The following ANK2 variants were observed in gnomAD, a reference collection of about 807,000 sequenced individuals.
The protein encoded by ANK2 is ankyrin 2.
In ANK2, 83 loss-of-function variants were observed where a neutral mutation model predicts 360.5. That is an observed-to-expected ratio of 0.23 (90% confidence interval 0.19 to 0.28). The LOEUF (loss-of-function observed/expected upper bound fraction) is 0.28, where lower values mean the gene tolerates loss of function less well. Among genes scored for constraint, ANK2 ranks in the 10% least tolerant of loss-of-function variants. The pLI is 1.00. For synonymous variants in ANK2, 1,740 were observed against 1,759.5 expected (o/e 0.99, Z 0.28); for missense variants, 4,201 against 4,795.7 (o/e 0.88, Z 3.66).
intron 41 of ANK2, among the ~76,000 whole-genome samples, chr4:113,366,552 C>T (rs550387810): frequency 7.2e-5 from 11 of 152,076 alleles, no homozygotes; most frequent in East Asian, 1.9e-4. Flanking sequence ...TGGTCCTGCA[C>T]GCCTGGCCTC....
At chr4:113,173,860 C>A (rs538812272) in intron 1 of ANK2, among the ~76,000 whole-genome samples, 1 of 152,274 alleles carries the variant, frequency 6.6e-6, no homozygotes, top group South Asian at 2.1e-4. Context: ...GTAGTGCTAT[C>A]CCCTTTCCTC....
At chr4:113,258,487 T>C in intron 13 of ANK2, 76 bp downstream of exon 13, 1 of 1,394,888 alleles carries the variant, frequency 7.2e-7, no homozygotes, top group Non-Finnish European at 1.0e-6. Context: ...TGTGTATGTG[T>C]GTTTGCGTGT....
chr4:112,767,417 C>T, the ANK2 span, among the ~76,000 whole-genome samples: 1 of 151,750 alleles, frequency 6.6e-6, no homozygotes, highest in Non-Finnish European at 1.5e-5. Context: ...AAACATTAGC[C>T]GGGTGTGGTG....
intron 45 of ANK2, 84 bp downstream of exon 45, chr4:113,373,533 A>G (rs1008417277): frequency 1.3e-5 from 19 of 1,441,526 alleles, no homozygotes; most frequent in Non-Finnish European, 1.9e-5. Context: ...TTGTTTATTC[A>G]TATTTTCCTC....
rs866913243 is a variant in ANK2 at position 113,361,048 on chromosome 4, A to G, written c.10756+151A>G. ...AAGAACTAGAAAACCTGGGCTCTGC[A>G]TCAGCTAATGGTATAGCCCAGGGCA... On this transcript the variant is annotated intron_variant, in intron 39 of 45. Transcript: ENST00000357077. 9 of 742,628 alleles carry G rather than the reference A, an allele frequency of 1.2e-5. No homozygotes were observed. The African/African-American group carries it at 1.4e-4, about 12-fold the overall frequency. The allele number at this position is 742,628 out of a possible 1,614,324, so 46.0% of individuals were successfully genotyped here. A position where few individuals can be genotyped will look rare whatever the true frequency, so the allele number is the denominator to read the frequency against.
chr4:112,919,907 T>TTAATAATTTATTATATTTAGAGTTGAA lies in ANK2; in HGVS notation c.21+15436_21+15462dup, dbSNP rs1297576658. 1.3e-5 allele frequency among the ~76,000 whole-genome samples: 2 copies of TTAATAATTTATTATATTTAGAGTTGAA among 152,134 alleles called. 1 individual carries two copies. The highest frequency in any genetic ancestry group is 2.9e-5 in the Non-Finnish European group (2 of 68,006). ...CTATAGCTTTTCTTTCTTGTAGCTA[T>TTAATAATTTATTATATTTAGAGTTGAA]TAATAATTTATTATATTTAGAGTTG... On this transcript the variant is annotated intron_variant, in intron 2 of 30. Transcript: ENST00000503271.
At position 113,345,921 on chromosome 4, in the gene ANK2, C is replaced by G. The variant is rs769015777; in HGVS notation, c.4270C>G (p.Pro1424Ala). Reference sequence around the variant, plus strand: ...CAAGGTACGCGATACGACTCAGGAACCTTGCGGACGACTATCATTTATGAA... The same window carrying G: ...CAAGGTACGCGATACGACTCAGGAAGCTTGCGGACGACTATCATTTATGAA... Reference protein sequence around the residue: ...FVKVRDTTQEPCGRLSFMKEP... With the variant: ...FVKVRDTTQEACGRLSFMKEP... The change falls in exon 35 of 46, where the codon CCT (proline) becomes GCT (alanine). Residue 1424 changes from proline to alanine, a missense_variant. This residue lies in a region of ANK2 where 1,268 missense variants were observed against 1,650.8 expected (regional missense o/e 0.77). Transcript: ENST00000357077. The G allele has an allele frequency of 3.1e-6, 5 of 1,613,566 alleles. No individual in the cohort carries two copies. Among genetic ancestry groups the G allele is most frequent in the Middle Eastern group, 1.7e-4 (1 of 6,060 alleles).
intron 2 of ANK2, among the ~76,000 whole-genome samples, chr4:112,949,569 G>A (rs1421816301): frequency 6.6e-6 from 1 of 152,152 alleles, no homozygotes; most frequent in African/African-American, 2.4e-5. Context: ...AATCAAACAT[G>A]TTGGGGAAAT....
intron 45 of ANK2, among the ~76,000 whole-genome samples, chr4:113,375,449 G>T (rs1351679275): frequency 1.3e-5 from 2 of 151,308 alleles, no homozygotes; most frequent in East Asian, 3.9e-4. Flanking sequence ...CGGTTGGCCA[G>T]GCACAGTGGC....
the ANK2 span, among the ~76,000 whole-genome samples, chr4:112,791,022 T>C: frequency 1.3e-5 from 2 of 152,212 alleles, no homozygotes; most frequent in African/African-American, 4.8e-5. Flanking sequence ...TGTGAAAATA[T>C]CTGCATCTCT....
At chr4:113,251,905 G>A (rs917000723) in intron 10 of ANK2, among the ~76,000 whole-genome samples, 1 of 152,108 alleles carries the variant, frequency 6.6e-6, no homozygotes, top group African/African-American at 2.4e-5. Flanking sequence ...AATTAATCAG[G>A]TTAGAGTGAG....
At chr4:112,835,902 G>C (rs2060888825) in intron 1 of ANK2, among the ~76,000 whole-genome samples, 1 of 152,072 alleles carries the variant, frequency 6.6e-6, no homozygotes, top group African/African-American at 2.4e-5. Context: ...TAGTAGTAAT[G>C]AATATTACTT....
chr4:112,941,673 A>G (rs1581589765), intron 2 of ANK2, among the ~76,000 whole-genome samples: 2 of 146,334 alleles, frequency 1.4e-5, no homozygotes, highest in South Asian at 4.2e-4. Flanking sequence ...AAATATATAT[A>G]AAAGGATATA....
At chr4:113,221,025 C>A (rs2153488095) in intron 4 of ANK2, among the ~76,000 whole-genome samples, 1 of 152,278 alleles carries the variant, frequency 6.6e-6, no homozygotes, top group African/African-American at 2.4e-5. Context: ...AGAAGACACT[C>A]TTGGTACTAA....
chr4:113,349,426 A>G (rs989368135), intron 36 of ANK2, among the ~76,000 whole-genome samples: 1 of 152,222 alleles, frequency 6.6e-6, no homozygotes, highest in Middle Eastern at 3.4e-3. Context: ...CCTTATACCC[A>G]CCAGCTTAAA....
chr4:112,744,431 C>A, the ANK2 span, among the ~76,000 whole-genome samples: 1 of 151,720 alleles, frequency 6.6e-6, no homozygotes, highest in Non-Finnish European at 1.5e-5. Flanking sequence ...ACTGTAGCCC[C>A]CGCCTCCCGG....
intron 1 of ANK2, among the ~76,000 whole-genome samples, chr4:113,108,605 T>G (rs545525647): frequency 6.6e-6 from 1 of 152,142 alleles, no homozygotes; most frequent in African/African-American, 2.4e-5. Flanking sequence ...ATAGAGAAAA[T>G]GGAAACATTT....
At chr4:112,809,332 C>G in the ANK2 span, among the ~76,000 whole-genome samples, 1 of 150,556 alleles carries the variant, frequency 6.6e-6, no homozygotes, top group African/African-American at 2.4e-5. Context: ...GAGGCCGAGA[C>G]GGATGGATCA....
At chr4:112,857,873 A>G (rs1042732576) in intron 1 of ANK2, among the ~76,000 whole-genome samples, 1 of 152,172 alleles carries the variant, frequency 6.6e-6, no homozygotes, top group Non-Finnish European at 1.5e-5. Flanking sequence ...AGGACCTCAG[A>G]TTTTGTATTT....
Sources: gnomAD v4.1 joint callset for allele counts (sites outside exome capture counted in the v4.1 genomes callset) on GRCh38, gnomAD v4.1.1 for gene constraint, gnomAD v4.1.1 regional missense constraint, MANE v1.5 for transcripts, NCBI Gene and HGNC (gene_info 2026-07-23, HGNC 2026-07-21) for gene names.